The following SLC26A5 variants were observed in gnomAD, a reference collection of about 807,000 sequenced individuals.
SLC26A5 encodes the protein solute carrier family 26 member 5, also known as prestin.
SLC26A5 carries 51 observed loss-of-function variants against 81.0 expected under a neutral mutation model. That is an observed-to-expected ratio of 0.63 (90% CI 0.50 to 0.80). SLC26A5 has a LOEUF of 0.80. SLC26A5 is among the 30% of genes least tolerant of loss of function. The pLI is 0.00. For synonymous variants in SLC26A5, 325 were observed against 332.8 expected (o/e 0.98, Z 0.25); for missense variants, 771 against 905.8 (o/e 0.85, Z 1.91).
chr7:103,409,949 C>T (rs550111701), intron 7 of SLC26A5, among the ~76,000 whole-genome samples: 3 of 152,236 alleles, frequency 2.0e-5, no homozygotes, highest in Admixed American at 6.5e-5. Flanking sequence ...CCTCGTGATC[C>T]GCCCATCTAG....
rs528440449 is a variant in SLC26A5 at position 103,365,407 on chromosome 7, G to A, written c.2041+11401C>T. Among the ~76,000 whole-genome samples the A allele has an allele frequency of 9.2e-5, 14 of 152,192 alleles. No homozygotes were observed. In the East Asian group the frequency reaches 1.4e-3, roughly 15 times the overall value. On this transcript the variant is annotated intron_variant, in intron 19 of 19. Transcript: ENST00000339444. ...AGCACTTTGGGAGGCAGAGGCAGGC[G>A]GATCACCTAAGGTCAGGAGTTGGAA... is the stretch of plus-strand genomic sequence containing the variant.
rs747896345 is a variant in SLC26A5, at chr7:103,389,102, T to C, written c.1420A>G (p.Thr474Ala). The C allele has an allele frequency of 3.7e-6, 6 of 1,613,040 alleles. No individual in the cohort carries two copies. Among genetic ancestry groups the C allele is most frequent in the African/African-American group, 1.3e-5 (1 of 75,032 alleles). ...TSKIELTIWL[T>A]TFVSSLFLGL... The stretch of plus-strand genomic sequence containing the variant: ...AGGAACAAGGAGGACACAAAAGTGG[T>C]AAGCCAGATGGTCTAAGCAAAAGAC... Residue 474 changes from threonine to alanine, a missense_variant, in exon 14 of 20, where the codon ACC (threonine) becomes GCC (alanine). Physicochemically the swap from Thr to Ala is moderately conservative, Grantham distance 58. Transcript: ENST00000306312.
chr7:103,366,071 A>G (rs1422007996), intron 19 of SLC26A5: 1 of 1,607,714 alleles, frequency 6.2e-7, no homozygotes, highest in Non-Finnish European at 8.5e-7. Context: ...CATTTTTCTC[A>G]TTAGGGGGCT....
intron 2 of SLC26A5, among the ~76,000 whole-genome samples, chr7:103,431,878 A>G (rs1417744616): frequency 1.4e-5 from 2 of 145,768 alleles, no homozygotes; most frequent in Non-Finnish European, 1.5e-5. Flanking sequence ...TTTTTTTTTT[A>G]CTTATCAAGT....
In SLC26A5 at chr7:103,377,639, A is replaced by T; in HGVS notation, c.1946T>A (p.Val649Asp). The T allele has an allele frequency of 6.2e-7, 1 of 1,614,104 alleles. No homozygotes were observed. Residue 649 changes from valine (V) to aspartate (D), a missense_variant, in exon 18 of 20, where the codon GTC becomes GAC. Transcript: ENST00000306312. ...CACTCCAACAGAATCAATAAAATTG[A>T]CTTGAGTGAAATCCAAAATGACAGT... is the stretch of plus-strand genomic sequence containing the variant. Reference protein sequence around the residue: ...VHTVILDFTQVNFIDSVGVKT... With the variant: ...VHTVILDFTQDNFIDSVGVKT...
intron 8 of SLC26A5, 118 bp from the exon 9 acceptor site, chr7:103,398,132 T>C: frequency 2.4e-6 from 2 of 826,240 alleles, no homozygotes; most frequent in Non-Finnish European, 2.1e-6. Context: ...CATTCAGATT[T>C]AAAAAGAAGA....
intron 2 of SLC26A5, among the ~76,000 whole-genome samples, chr7:103,440,155 T>C (rs1223385631): frequency 6.6e-6 from 1 of 152,180 alleles, no homozygotes; most frequent in Non-Finnish European, 1.5e-5. Flanking sequence ...GTCAGGGGCA[T>C]AGGGGGAACT....
chr7:103,381,681 G>A (rs544874120), intron 14 of SLC26A5, among the ~76,000 whole-genome samples: 97 of 144,274 alleles, frequency 6.7e-4, no homozygotes, highest in African/African-American at 2.2e-3. Context: ...ATACACATAC[G>A]TGCAGACACA....
rs7780218 is a variant in SLC26A5, at chr7:103,412,851, G to A, written c.403+151C>T. 0.28 allele frequency: 179,318 copies of A among 645,362 alleles called. 28,532 individuals carry two copies. The highest frequency in any genetic ancestry group is 0.55 in the African/African-American group (30,544 of 55,098). The allele number at this position is 645,362 out of a possible 1,614,324, so 40.0% of individuals were successfully genotyped here. ...CAGGGATGAGCCACCGCACCTGGCCGAGTGTAGGTTTTTAAAGCACCTATT... is the reference window on the plus strand; with the variant it reads ...CAGGGATGAGCCACCGCACCTGGCCAAGTGTAGGTTTTTAAAGCACCTATT... On this transcript the variant is annotated intron_variant, in intron 5 of 19. Coordinates refer to ENST00000306312, the MANE Select transcript of SLC26A5 (RefSeq NM_198999.3).
intron 19 of SLC26A5, among the ~76,000 whole-genome samples, chr7:103,358,549 T>C (rs1487206117): frequency 6.6e-6 from 1 of 152,138 alleles, no homozygotes; most frequent in Non-Finnish European, 1.5e-5. Flanking sequence ...TCTTTATCTT[T>C]GAATTTTTCT....
chr7:103,359,047 G>GC, intron 19 of SLC26A5, among the ~76,000 whole-genome samples: 1 of 137,702 alleles, frequency 7.3e-6, no homozygotes, highest in East Asian at 2.4e-4. Context: ...GCAGTAACAT[G>GC]ATCTCAGCTC....
intron 19 of SLC26A5, among the ~76,000 whole-genome samples, chr7:103,355,382 T>G (rs1819972950): frequency 6.6e-6 from 1 of 152,240 alleles, no homozygotes; most frequent in Non-Finnish European, 1.5e-5. Flanking sequence ...CATTATATTT[T>G]TGGCTTGACA....
intron 2 of SLC26A5, among the ~76,000 whole-genome samples, chr7:103,442,258 C>T (rs1164188089): frequency 6.6e-6 from 1 of 152,156 alleles, no homozygotes; most frequent in Non-Finnish European, 1.5e-5. Context: ...CTGTTTCAGC[C>T]TCCCGAGTAG....
intron 3 of SLC26A5, 58 bp downstream of exon 3, chr7:103,421,305 C>T: frequency 6.3e-7 from 1 of 1,584,372 alleles, no homozygotes; most frequent in South Asian, 1.1e-5. Context: ...CACATTTGAC[C>T]TTGCGCCTCT....
chr7:103,412,021 T>A (rs1356227410), intron 5 of SLC26A5, among the ~76,000 whole-genome samples: 2 of 151,828 alleles, frequency 1.3e-5, no homozygotes, highest in African/African-American at 4.8e-5. Flanking sequence ...CTAGGCCAAG[T>A]GGAGAATTCC....
At chr7:103,384,891 T>C (rs1439783276) in intron 14 of SLC26A5, among the ~76,000 whole-genome samples, 1 of 152,198 alleles carries the variant, frequency 6.6e-6, no homozygotes, top group Non-Finnish European at 1.5e-5. Flanking sequence ...TCATCATGAT[T>C]ACGTGTCTGT....
chr7:103,425,016 C>T (rs1461589476), intron 2 of SLC26A5, among the ~76,000 whole-genome samples: 3 of 152,286 alleles, frequency 2.0e-5, no homozygotes, highest in Non-Finnish European at 2.9e-5. Flanking sequence ...TGTAGCATAG[C>T]AGAGAAAACA....
At chr7:103,397,827 T>C (rs1586275713) in intron 9 of SLC26A5, 105 bp downstream of exon 9, 4 of 870,350 alleles carry the variant, frequency 4.6e-6, no homozygotes, top group East Asian at 4.9e-5. Context: ...ATTTGATGTA[T>C]AGAAAAAAGA....
chr7:103,368,114 T>A, intron 19 of SLC26A5: 1 of 1,413,294 alleles, frequency 7.1e-7, no homozygotes, highest in South Asian at 1.4e-5. Flanking sequence ...ATAGACTTGT[T>A]AATAACCAAT....
Sources: allele counts gnomAD v4.1 joint callset (sites outside exome capture counted in the v4.1 genomes callset), GRCh38; gene constraint gnomAD v4.1.1; transcripts MANE v1.5; gene names NCBI Gene and HGNC (gene_info 2026-07-23, HGNC 2026-07-21).